Variants in WNT2B observed in about 807,000 individuals in gnomAD.
The protein encoded by WNT2B is Wnt family member 2B.
Under a neutral mutation model 40.5 loss-of-function variants are expected in WNT2B, and 19 were observed. The ratio of observed to expected loss-of-function variants is 0.47; its 90% CI spans 0.33 to 0.69. WNT2B has a LOEUF of 0.69. WNT2B is among the 30% of genes least tolerant of loss of function. WNT2B has a pLI of 0.02. For synonymous variants in WNT2B, 220 were observed against 211.9 expected, an observed-to-expected ratio of 1.04 and a Z score of -0.33; for missense variants, 467 against 556.4, an observed-to-expected ratio of 0.84 and a Z score of 1.62.
chr1:112,509,993 G>A lies in WNT2B; in HGVS notation c.182+549G>A, dbSNP rs946095790. Among the ~76,000 whole-genome samples, 3 of 152,146 alleles carry A rather than the reference G, an allele frequency of 2.0e-5. No homozygotes were observed. Among genetic ancestry groups the A allele is most frequent in the Non-Finnish European group, 4.4e-5 (3 of 68,028 alleles). ...CACAATTAAAACAAACAAAACGCAT[G>A]GGTTTGCATTATCTAGGCATTTGTC... On this transcript the variant is annotated intron_variant, in intron 1 of 4. Transcript: ENST00000369684. This position sits in a 1 kb window ranked among gnomAD's most constrained non-coding sequence, Gnocchi z 4.2.
rs1652532880 is a variant in WNT2B, at chr1:112,516,228, T to C, written c.492T>C (p.Ser164=). Residue 164 remains serine (S), a synonymous_variant, in exon 3 of 5, where the codon AGT becomes AGC. Transcript: ENST00000369684. ...GCGCCTGTAGCCAGGGTGAACTGAG[T>C]GTGTGCAGCTGTGACCCCTACACCC... The part of the protein sequence containing the change: ...ITRACSQGEL[S]VCSCDPYTRG... 1 of 1,613,918 alleles carries C rather than the reference T, an allele frequency of 6.2e-7. No individual in the cohort carries two copies. The highest frequency in any genetic ancestry group is 8.5e-7 in the Non-Finnish European group (1 of 1,179,978).
intron 1 of WNT2B, among the ~76,000 whole-genome samples, chr1:112,499,879 A>G (rs1449213705): frequency 6.8e-6 from 1 of 147,516 alleles, no homozygotes; most frequent in Non-Finnish European, 1.5e-5. Flanking sequence ...GAGAAATGAC[A>G]GGAGTAACTG....
At chr1:112,481,534 T>A (rs1055858264) in intron 1 of WNT2B, among the ~76,000 whole-genome samples, 3 of 152,176 alleles carry the variant, frequency 2.0e-5, no homozygotes, top group Non-Finnish European at 4.4e-5. Flanking sequence ...TTCAACATAG[T>A]ACTAGAAGTC....
upstream of WNT2B, among the ~76,000 whole-genome samples, chr1:112,505,609 C>T (rs544933344): frequency 6.6e-6 from 1 of 152,240 alleles, no homozygotes; most frequent in Non-Finnish European, 1.5e-5. Flanking sequence ...CAAGCCTTTG[C>T]GTGAGGAGCT....
chr1:112,517,048 T>C, intron 3 of WNT2B, 73 bp from the exon 4 acceptor site: 1 of 1,550,508 alleles, frequency 6.4e-7, no homozygotes, highest in Non-Finnish European at 8.8e-7. Flanking sequence ...GCACTCATCC[T>C]TTTGGACCTA....
chr1:112,510,639 C>T (rs1652317020), intron 1 of WNT2B, among the ~76,000 whole-genome samples: 2 of 152,196 alleles, frequency 1.3e-5, no homozygotes, highest in African/African-American at 2.4e-5. Context: ...TTCAAGATGC[C>T]GTCTCTCCTT....
chr1:112,475,684 A>G (rs1183989489), intron 1 of WNT2B, among the ~76,000 whole-genome samples: 2 of 152,166 alleles, frequency 1.3e-5, no homozygotes, highest in Non-Finnish European at 2.9e-5. Context: ...AGCAACCATG[A>G]AAAAAAGCAA....
At chr1:112,489,911 T>C (rs1328686766) in intron 1 of WNT2B, among the ~76,000 whole-genome samples, 1 of 152,188 alleles carries the variant, frequency 6.6e-6, no homozygotes, top group Non-Finnish European at 1.5e-5. Flanking sequence ...TTACTGGTTT[T>C]TAGGATTTTA....
At position 112,526,100 on chromosome 1, in the gene WNT2B, G is replaced by T. The variant is rs114685215; in HGVS notation, c.*5591G>T. On this transcript the variant is annotated 3_prime_UTR_variant, in exon 5 of 5. Transcript: ENST00000369684. Reference sequence around the variant, plus strand: ...AGGATGCCCAGGGTTGGGGGCACCAGAGTCCCAGCACCTTCAAAACAGAAA... The same window carrying T: ...AGGATGCCCAGGGTTGGGGGCACCATAGTCCCAGCACCTTCAAAACAGAAA... 11 of 1,614,026 alleles carry T rather than the reference G, an allele frequency of 6.8e-6. No homozygotes were observed. The Admixed American group carries it at 1.0e-4, about 15-fold the overall frequency.
At chr1:112,517,005 G>A (rs1202751700) in intron 3 of WNT2B, 116 bp from the exon 4 acceptor site, 16 of 1,399,882 alleles carry the variant, frequency 1.1e-5, no homozygotes, top group Admixed American at 1.1e-4. Flanking sequence ...GAGCTCAATC[G>A]GCCAGCCAGG....
chr1:112,475,702 C>T (rs1651035162), intron 1 of WNT2B, among the ~76,000 whole-genome samples: 1 of 151,680 alleles, frequency 6.6e-6, no homozygotes, highest in Admixed American at 6.6e-5. Context: ...CAAAACAAAA[C>T]TAATAAGGCA....
In WNT2B at chr1:112,520,756, T is replaced by A; in HGVS notation, c.*247T>A. 1.8e-6 allele frequency: 1 copy of A among 567,212 alleles called. No individual in the cohort carries two copies. The highest frequency in any genetic ancestry group is 3.1e-6 in the Non-Finnish European group (1 of 319,250). 35.1% of individuals were successfully genotyped at this position (567,212 alleles called of 1,614,324 possible). On this transcript the variant is annotated 3_prime_UTR_variant, in exon 5 of 5. Transcript: ENST00000369684. ...CCGCTCTGGAGATTTGAAGGGAGAG[T>A]AGAAGAGATAGGGGGTCTTTAGAGT...
upstream of WNT2B, chr1:112,508,894 GC>G (rs1652227554): frequency 9.6e-7 from 1 of 1,046,942 alleles, no homozygotes; most frequent in Admixed American, 5.6e-5. The surrounding 1 kb of genome is among the most constrained non-coding windows in gnomAD (Gnocchi z 4.2). Context: ...CGCCCTAAGG[GC>G]CGCGCGTGTC....
chr1:112,513,452 G>A (rs896414143), intron 1 of WNT2B, among the ~76,000 whole-genome samples: 5 of 151,098 alleles, frequency 3.3e-5, no homozygotes, highest in African/African-American at 9.7e-5. Context: ...CTGAGTTCCC[G>A]AAGAGGCAAG....
chr1:112,501,820 G>T (rs1651963843), intron 1 of WNT2B, among the ~76,000 whole-genome samples: 3 of 152,210 alleles, frequency 2.0e-5, no homozygotes, highest in African/African-American at 7.2e-5. Flanking sequence ...CGCTTCGTCT[G>T]CAGGTAGGAG....
At chr1:112,489,491 G>GA (rs1374231525) in intron 1 of WNT2B, among the ~76,000 whole-genome samples, 1 of 152,126 alleles carries the variant, frequency 6.6e-6, no homozygotes, top group African/African-American at 2.4e-5. Context: ...TTGAACCCAG[G>GA]AGGTGGAGGC....
intron 1 of WNT2B, among the ~76,000 whole-genome samples, chr1:112,480,095 C>T (rs2101054848): frequency 6.6e-6 from 1 of 152,188 alleles, no homozygotes; most frequent in South Asian, 2.1e-4. Flanking sequence ...CACAGTGGCT[C>T]ATGCCTGTAA....
At chr1:112,488,363 C>G (rs72699044) in intron 1 of WNT2B, among the ~76,000 whole-genome samples, 10,080 of 151,926 alleles carry the variant, frequency 0.066, 398 homozygotes, top group African/African-American at 0.11. Flanking sequence ...TATTTTGCGC[C>G]TTAAGGGAAC....
At chr1:112,487,335 TATA>T (rs1384507773) in intron 1 of WNT2B, among the ~76,000 whole-genome samples, 2 of 152,170 alleles carry the variant, frequency 1.3e-5, no homozygotes, top group African/African-American at 4.8e-5. Context: ...AAAGGTGTGA[TATA>T]ATAAGAAATA....
Sources: allele counts gnomAD v4.1 joint callset (sites outside exome capture counted in the v4.1 genomes callset), GRCh38; gene constraint gnomAD v4.1.1; non-coding constraint Gnocchi (gnomAD v3.1); transcripts MANE v1.5; gene names NCBI Gene and HGNC (gene_info 2026-07-23, HGNC 2026-07-21).